PFKFB2: variants seen among roughly 807,000 people sequenced by gnomAD.
PFKFB2 encodes the protein 6-phosphofructo-2-kinase/fructose-2,6-bisphosphatase 2.
PFKFB2 carries 53 observed loss-of-function variants against 68.0 expected under a neutral mutation model. The observed-to-expected ratio is 0.78, with a 90% confidence interval of 0.63 to 0.98. The LOEUF (loss-of-function observed/expected upper bound fraction) is 0.98. PFKFB2 is among the 50% of genes least tolerant of loss of function. PFKFB2 has a pLI of 0.00. For missense variants in PFKFB2, 451 were observed against 642.0 expected (o/e 0.70, Z 3.22); for synonymous variants, 222 against 227.6 (o/e 0.98, Z 0.22).
Position 207,073,045 on chromosome 1 carries a change from G to A in PFKFB2, c.*674G>A, listed in dbSNP as rs112721961. On this transcript the variant is annotated 3_prime_UTR_variant, in exon 15 of 15. Transcript: ENST00000367080. ...CTCCCTTCCTCTCCAGCCAGGTCCT[G>A]TAAGGGCCAGCCCAGACTACAGGAC... The A allele has an allele frequency of 1.0e-6, 1 of 985,394 alleles. No individual in the cohort carries two copies. Among genetic ancestry groups the A allele is most frequent in the East Asian group, 1.1e-4 (1 of 8,820 alleles). The allele number at this position is 985,394 out of a possible 1,614,324, so 61.0% of individuals were successfully genotyped here.
In PFKFB2 at chr1:207,063,822, A is replaced by G; in HGVS notation, c.500A>G (p.Asn167Ser). The change falls in exon 7 of 15, where the codon AAT becomes AGT. Residue 167 changes from asparagine (N) to serine (S), a missense_variant. Physicochemically the swap from Asn to Ser is conservative, Grantham distance 46. Coordinates refer to ENST00000367080, the MANE Select transcript of PFKFB2 (RefSeq NM_006212.2). The surrounding 1 kb of genome is among the most constrained non-coding windows in gnomAD (Gnocchi z 4.1). Reference protein sequence around the residue: ...VCDDPDVIAANILEVKVSSPD... With the variant: ...VCDDPDVIAASILEVKVSSPD... Reference sequence around the variant, plus strand: ...GATGATCCTGATGTCATTGCTGCCAATATTCTGGTTGGTGACACCCCTACA... The same window carrying G: ...GATGATCCTGATGTCATTGCTGCCAGTATTCTGGTTGGTGACACCCCTACA... The G allele has an allele frequency of 1.2e-6, 2 of 1,612,750 alleles. No individual in the cohort carries two copies. The highest frequency in any genetic ancestry group is 8.5e-7 in the Non-Finnish European group (1 of 1,179,164).
upstream of PFKFB2, chr1:207,053,214 A>T (rs1328529171): frequency 6.6e-6 from 1 of 152,212 alleles, no homozygotes; most frequent in Admixed American, 6.5e-5. Context: ...CCAGGTGAGG[A>T]CCTACGCGCG....
chr1:207,070,641 G>T lies in PFKFB2; in HGVS notation c.1222+232G>T, dbSNP rs759378847. The T allele has an allele frequency of 2.1e-6, 1 of 480,740 alleles. No homozygotes were observed. Among genetic ancestry groups the T allele is most frequent in the Non-Finnish European group, 3.8e-6 (1 of 264,478 alleles). 29.8% of individuals were successfully genotyped at this position (480,740 alleles called of 1,614,324 possible). On this transcript the variant is annotated intron_variant, in intron 12 of 14. Transcript: ENST00000367080. This position sits in a 1 kb window ranked among gnomAD's most constrained non-coding sequence, Gnocchi z 4.2. Reference sequence around the variant, plus strand: ...GCTGCTGCTGGTGCTCCTTGATCCTGCCTGGCTCAAGGGCCAGTGTCATGC... The same window carrying T: ...GCTGCTGCTGGTGCTCCTTGATCCTTCCTGGCTCAAGGGCCAGTGTCATGC...
intron 2 of PFKFB2, among the ~76,000 whole-genome samples, chr1:207,056,852 C>T (rs1253691067): frequency 2.6e-5 from 4 of 152,172 alleles, no homozygotes; most frequent in African/African-American, 9.7e-5. Flanking sequence ...ACTTCCTTTT[C>T]CTCTGCTATA....
At chr1:207,055,208 T>C (rs1187680335) in intron 2 of PFKFB2, among the ~76,000 whole-genome samples, 1 of 152,164 alleles carries the variant, frequency 6.6e-6, no homozygotes, top group African/African-American at 2.4e-5. Context: ...GTGCTGCTCA[T>C]TGTAGAAATT....
upstream of PFKFB2, chr1:207,050,987 G>A (rs765860156): frequency 5.0e-5 from 77 of 1,532,838 alleles, no homozygotes; most frequent in Non-Finnish European, 6.5e-5. Flanking sequence ...GAAACCAGGC[G>A]CCGGGTGGAC....
rs1009450655 is a variant in PFKFB2, at chr1:207,071,434, G to A, written c.1286-75G>A. On this transcript the variant is annotated intron_variant, in intron 13 of 14. Transcript: ENST00000367080. ...TGCAGAATGCGTACATTCCTTTGTGGTATACTTTCCCATAACTAAGGAATT... is the reference window on the plus strand; with the variant it reads ...TGCAGAATGCGTACATTCCTTTGTGATATACTTTCCCATAACTAAGGAATT... 5.6e-6 allele frequency: 7 copies of A among 1,250,252 alleles called. No homozygotes were observed. The African/African-American group carries it at 1.0e-4, about 18-fold the overall frequency. 77.4% of individuals were successfully genotyped at this position (1,250,252 alleles called of 1,614,324 possible). A position where few individuals can be genotyped will look rare whatever the true frequency, so the allele number is the denominator to read the frequency against.
At position 207,036,583 on chromosome 1, in the gene PFKFB2, A is replaced by G. The variant is rs559388896; in HGVS notation, c.-62+2111A>G. 3.9e-5 allele frequency among the ~76,000 whole-genome samples: 6 copies of G among 152,306 alleles called. No individual in the cohort carries two copies. The South Asian group carries it at 1.2e-3, about 32-fold the overall frequency. ...TTTTCATATAACAACTTTGTCACCA[A>G]TTTTGAAAGCTTCAGTATGACAACA... On this transcript the variant is annotated intron_variant, in intron 1 of 5. Transcript: ENST00000545806.
intron 13 of PFKFB2, 80 bp downstream of exon 13, chr1:207,071,330 G>A: frequency 7.8e-7 from 1 of 1,286,278 alleles, no homozygotes; most frequent in Admixed American, 1.7e-5. Flanking sequence ...CTAGAGTTCA[G>A]CTTCATTATC....
chr1:207,051,842 TGCCTC>T (rs1682760314), upstream of PFKFB2, among the ~76,000 whole-genome samples: 1 of 152,162 alleles, frequency 6.6e-6, no homozygotes, highest in African/African-American at 2.4e-5. Context: ...CCCAGGACTG[TGCCTC>T]GCAAATAAAA....
In PFKFB2 at chr1:207,072,591, G is replaced by A. The variant is rs1441483219; in HGVS notation, c.*220G>A. 6.0e-6 allele frequency: 8 copies of A among 1,335,802 alleles called. No homozygotes were observed. The highest frequency in any genetic ancestry group is 7.7e-6 in the Non-Finnish European group (8 of 1,044,804). 82.7% of individuals were successfully genotyped at this position (1,335,802 alleles called of 1,614,324 possible). A position where few individuals can be genotyped will look rare whatever the true frequency, so the allele number is the denominator to read the frequency against. On this transcript the variant is annotated 3_prime_UTR_variant, in exon 15 of 15. Transcript: ENST00000367080. ...GAAACATCTTTTCACCCAGGGGCAA[G>A]TTAGCAAATTGAGTCTTTTAGGACA... is the stretch of plus-strand genomic sequence containing the variant.
chr1:207,076,252 CTT>C lies in PFKFB2; in HGVS notation c.*3896_*3897del, dbSNP rs568062478. On this transcript the variant is annotated 3_prime_UTR_variant, in exon 15 of 15. Transcript: ENST00000367080. ...AATTCATCTATGTTACTTTTTTTTT[CTT>C]TTTTTTTTTTTTTTATGAGCAGGAG... is the stretch of plus-strand genomic sequence containing the variant. 27,045 of 803,430 alleles carry C rather than the reference CTT, an allele frequency of 0.034. No homozygotes were observed. The highest frequency in any genetic ancestry group is 0.037 in the Non-Finnish European group (24,734 of 676,888). The allele number at this position is 803,430 out of a possible 1,614,324, so 49.8% of individuals were successfully genotyped here. A position where few individuals can be genotyped will look rare whatever the true frequency, so the allele number is the denominator to read the frequency against.
rs1375859166 is a variant in PFKFB2, at chr1:207,062,686, A to C, written c.278A>C (p.His93Pro). Residue 93 changes from histidine (H) to proline (P), a missense_variant, in exon 4 of 15, where the codon CAT becomes CCT. His to Pro is a moderately conservative substitution (Grantham distance 77). Coordinates refer to ENST00000367080, the MANE Select transcript of PFKFB2 (RefSeq NM_006212.2). ...KSYKSYDFFR[H>P]DNEEAMKIRK... Reference sequence around the variant, plus strand: ...TATAAGTCCTACGACTTCTTTCGGCATGACAATGAGGAGGCCATGAAGATC... The same window carrying C: ...TATAAGTCCTACGACTTCTTTCGGCCTGACAATGAGGAGGCCATGAAGATC... The C allele has an allele frequency of 6.2e-7, 1 of 1,614,166 alleles. No homozygotes were observed. The highest frequency in any genetic ancestry group is 8.5e-7 in the Non-Finnish European group (1 of 1,180,026).
downstream of PFKFB2, chr1:207,078,953 G>T: frequency 6.2e-7 from 1 of 1,611,678 alleles, no homozygotes; most frequent in South Asian, 1.1e-5. Flanking sequence ...CTGGCTCGTA[G>T]GCAGCAGAGA....
chr1:207,054,028 C>G (rs1342198917), intron 1 of PFKFB2, among the ~76,000 whole-genome samples: 1 of 151,252 alleles, frequency 6.6e-6, no homozygotes, highest in East Asian at 1.9e-4. Flanking sequence ...CTCAGCCTCC[C>G]GAGTAGCTGG....
intron 2 of PFKFB2, chr1:207,043,907 TAA>T (rs900199169): frequency 3.3e-5 from 5 of 152,580 alleles, no homozygotes; most frequent in African/African-American, 1.2e-4. Flanking sequence ...TTTAGATATT[TAA>T]AGTCATACAC....
At chr1:207,080,239 A>G (rs909328371), downstream of PFKFB2, 1 of 152,242 alleles carries the variant, frequency 6.6e-6, no homozygotes, top group African/African-American at 2.4e-5. Flanking sequence ...TATTTTTTAA[A>G]GAATAGTATG....
chr1:207,071,098 A>G (rs1392558349), intron 12 of PFKFB2, 90 bp from the exon 13 acceptor site: 2 of 1,059,002 alleles, frequency 1.9e-6, no homozygotes, highest in Non-Finnish European at 1.5e-6. Context: ...AGGGAAACTC[A>G]TTATGAGCTC....
At chr1:207,052,559 C>A (rs1414546591), upstream of PFKFB2, among the ~76,000 whole-genome samples, 6 of 152,130 alleles carry the variant, frequency 3.9e-5, no homozygotes, top group Admixed American at 3.9e-4. Context: ...TACTGGGAGG[C>A]AGGAGAATCG....
Sources: allele counts gnomAD v4.1 joint callset (sites outside exome capture counted in the v4.1 genomes callset), GRCh38; gene constraint gnomAD v4.1.1; non-coding constraint Gnocchi (gnomAD v3.1); transcripts MANE v1.5; gene names NCBI Gene and HGNC (gene_info 2026-07-23, HGNC 2026-07-21).